CEMIP: variants seen among roughly 807,000 people sequenced by gnomAD.
CEMIP encodes the protein cell migration-inducing and hyaluronan-binding protein.
CEMIP carries 105 observed loss-of-function variants against 156.9 expected under a neutral mutation model. The observed-to-expected ratio is 0.67, with a 90% confidence interval of 0.57 to 0.79. The LOEUF (loss-of-function observed/expected upper bound fraction) is 0.79, where lower values mean the gene tolerates loss of function less well. Among genes scored for constraint, CEMIP ranks in the 30% least tolerant of loss-of-function variants. The pLI is 0.00. For synonymous variants in CEMIP, 676 were observed against 668.4 expected (o/e 1.01, Z -0.17); for missense variants, 1,457 against 1,769.4 (o/e 0.82, Z 3.17).
intron 1 of CEMIP, among the ~76,000 whole-genome samples, chr15:80,867,401 G>A (rs949781924): frequency 3.3e-5 from 5 of 152,234 alleles, no homozygotes; most frequent in African/African-American, 1.2e-4. Context: ...GGGCCTCTGG[G>A]GTTTTTGGTC....
chr15:80,928,536 G>A (rs1032695976), intron 19 of CEMIP, among the ~76,000 whole-genome samples: 1 of 152,156 alleles, frequency 6.6e-6, no homozygotes, highest in African/African-American at 2.4e-5. Flanking sequence ...CTGGTCCTGA[G>A]AGCGGAAGGC....
intron 1 of CEMIP, among the ~76,000 whole-genome samples, chr15:80,852,265 TGTG>T (rs1949725345): frequency 6.6e-6 from 1 of 152,172 alleles, no homozygotes; most frequent in South Asian, 2.1e-4. Context: ...ACCTCTGAGA[TGTG>T]GTGGGAGTTA....
At chr15:80,897,272 A>G (rs1342957677) in intron 12 of CEMIP, 1 of 456,044 alleles carries the variant, frequency 2.2e-6, no homozygotes, top group African/African-American at 2.0e-5. Flanking sequence ...TTATTTTGGA[A>G]AGAAACCCAC....
intron 12 of CEMIP, among the ~76,000 whole-genome samples, chr15:80,898,457 A>C (rs1899322276): frequency 6.6e-6 from 1 of 152,336 alleles, no homozygotes; most frequent in East Asian, 1.9e-4. Flanking sequence ...AGCTATGCTT[A>C]AAGATGGGAA....
In CEMIP at chr15:80,932,303, C is replaced by T. The variant is rs750000439; in HGVS notation, c.2793+264C>T. On this transcript the variant is annotated intron_variant, in intron 22 of 29. Transcript: ENST00000394685. The surrounding 1 kb of genome is among the most constrained non-coding windows in gnomAD (Gnocchi z 4.5). The stretch of plus-strand genomic sequence containing the variant: ...CAGGCGAGCCTCTGGAGGAACCCGA[C>T]GTGTGGACTGAGGTTCCTAGGCTGT... 6.6e-6 allele frequency among the ~76,000 whole-genome samples: 1 copy of T among 152,192 alleles called. No homozygotes were observed. The highest frequency in any genetic ancestry group is 2.1e-4 in the South Asian group (1 of 4,828).
intron 12 of CEMIP, among the ~76,000 whole-genome samples, chr15:80,904,262 C>A (rs954226731): frequency 6.6e-6 from 1 of 152,072 alleles, no homozygotes; most frequent in African/African-American, 2.4e-5. Context: ...GTGGTGGCAC[C>A]CACCTGTAGT....
intron 8 of CEMIP, 30 bp downstream of exon 8, chr15:80,887,794 C>T (rs1567084277): frequency 2.6e-6 from 4 of 1,524,518 alleles, no homozygotes; most frequent in Non-Finnish European, 3.6e-6. Flanking sequence ...AGGCCTGATT[C>T]CCTCCAGTGT....
chr15:80,783,373 AC>A, intron 1 of CEMIP, among the ~76,000 whole-genome samples: 1 of 152,330 alleles, frequency 6.6e-6, no homozygotes, highest in South Asian at 2.1e-4. Context: ...GATGGCACAT[AC>A]CCAGGTGTTT....
intron 12 of CEMIP, among the ~76,000 whole-genome samples, chr15:80,897,042 C>T (rs1288406875): frequency 2.0e-5 from 3 of 152,156 alleles, no homozygotes; most frequent in Non-Finnish European, 4.4e-5. Context: ...AAGGCAGGAA[C>T]AGTCATTGAA....
At chr15:80,836,623 A>ACCTCCTGGG (rs1897275755) in intron 1 of CEMIP, among the ~76,000 whole-genome samples, 3 of 147,070 alleles carry the variant, frequency 2.0e-5, no homozygotes, top group Middle Eastern at 3.5e-3. Flanking sequence ...TTCCTCCTGG[A>ACCTCCTGGG]TTTTCTGCCT....
chr15:80,782,574 C>T (rs555653445), intron 1 of CEMIP, among the ~76,000 whole-genome samples: 3 of 152,236 alleles, frequency 2.0e-5, no homozygotes, highest in Admixed American at 2.0e-4. Flanking sequence ...TTGTATAGTA[C>T]CCAGTCTTCC....
chr15:80,900,862 CCCCA>C, intron 12 of CEMIP: 1 of 450,702 alleles, frequency 2.2e-6, no homozygotes, highest in Non-Finnish European at 4.5e-6. Context: ...GGCTTCTCTT[CCCCA>C]GGCTGGCTGC....
At chr15:80,838,604 C>T (rs942702492) in intron 1 of CEMIP, among the ~76,000 whole-genome samples, 11 of 152,034 alleles carry the variant, frequency 7.2e-5, no homozygotes, top group African/African-American at 1.9e-4. Context: ...TGTTGTTCTA[C>T]GCGCCTCATC....
intron 1 of CEMIP, among the ~76,000 whole-genome samples, chr15:80,852,889 A>T (rs1483727904): frequency 6.6e-6 from 1 of 152,110 alleles, no homozygotes; most frequent in Non-Finnish European, 1.5e-5. Flanking sequence ...AGTAGCTCCC[A>T]ATAGGCGCCT....
intron 23 of CEMIP, among the ~76,000 whole-genome samples, chr15:80,935,437 A>G (rs1032275979): frequency 1.3e-5 from 2 of 152,300 alleles, no homozygotes; most frequent in Admixed American, 1.3e-4. Flanking sequence ...CCAGATTATC[A>G]TAACTGGCAA....
chr15:80,830,719 A>G (rs1249238144), intron 1 of CEMIP, among the ~76,000 whole-genome samples: 1 of 151,896 alleles, frequency 6.6e-6, no homozygotes, highest in Non-Finnish European at 1.5e-5. Flanking sequence ...TTTATTTTTA[A>G]GCTATGTTTT....
intron 12 of CEMIP, chr15:80,900,947 C>T (rs1426839435): frequency 2.2e-6 from 1 of 455,722 alleles, no homozygotes. Flanking sequence ...GGACTGTTTG[C>T]ATTTCCCTTA....
intron 1 of CEMIP, among the ~76,000 whole-genome samples, chr15:80,829,389 C>A (rs1436776817): frequency 6.6e-6 from 1 of 152,174 alleles, no homozygotes; most frequent in Non-Finnish European, 1.5e-5. Flanking sequence ...GCCTCTGCCA[C>A]CCTTAGCTCC....
At chr15:80,899,610 A>G (rs1219568384) in intron 12 of CEMIP, among the ~76,000 whole-genome samples, 1 of 152,126 alleles carries the variant, frequency 6.6e-6, no homozygotes, top group Non-Finnish European at 1.5e-5. Context: ...AAGAGGCCGG[A>G]GTAGCTGAAG....
Sources: gnomAD v4.1 joint callset for allele counts (sites outside exome capture counted in the v4.1 genomes callset) on GRCh38, gnomAD v4.1.1 for gene constraint, Gnocchi (gnomAD v3.1) non-coding constraint, MANE v1.5 for transcripts, NCBI Gene and HGNC (gene_info 2026-07-23, HGNC 2026-07-21) for gene names.